Variants in CABCOCO1 observed in about 807,000 individuals in gnomAD.
CABCOCO1 encodes ciliary-associated calcium-binding coiled-coil protein 1.
In CABCOCO1, 28 loss-of-function variants were observed where a neutral mutation model predicts 35.7. The ratio of observed to expected loss-of-function variants is 0.78; its 90% CI spans 0.58 to 1.07. CABCOCO1 has a LOEUF of 1.07. Ranked by LOEUF, CABCOCO1 falls within the 50% of genes least tolerant of loss-of-function variation. The probability of loss-of-function intolerance (pLI) is 0.00; values close to 1 mark genes in which losing one functional copy is unlikely to be tolerated. For missense variants in CABCOCO1, 326 were observed against 309.2 expected (o/e 1.05, Z -0.41); for synonymous variants, 95 against 100.1 (o/e 0.95, Z 0.30).
intron 5 of CABCOCO1, among the ~76,000 whole-genome samples, chr10:61,754,191 C>T (rs1047794342): frequency 3.3e-5 from 5 of 152,032 alleles, no homozygotes; most frequent in Non-Finnish European, 5.9e-5. Context: ...CATTATCCTC[C>T]TTTTACAGAT....
chr10:61,691,668 A>G (rs1840147215), intron 5 of CABCOCO1, among the ~76,000 whole-genome samples: 1 of 150,094 alleles, frequency 6.7e-6, no homozygotes, highest in South Asian at 2.1e-4. Flanking sequence ...AACAGGCCCC[A>G]GTGTGTGATG....
At position 61,716,153 on chromosome 10, in the gene CABCOCO1, A is replaced by G. The variant is rs1181646855; in HGVS notation, c.552+25532A>G. Reference sequence around the variant, plus strand: ...GTTTTCCTATAATTTTTTAATATTCAATATATTTTTTTCTGTATTTCCTAT... The same window carrying G: ...GTTTTCCTATAATTTTTTAATATTCGATATATTTTTTTCTGTATTTCCTAT... On this transcript the variant is annotated intron_variant, in intron 5 of 7. Coordinates refer to ENST00000648843, the MANE Select transcript of CABCOCO1 (RefSeq NM_001366906.2). Among the ~76,000 whole-genome samples, 3 of 152,188 alleles carry G rather than the reference A, an allele frequency of 2.0e-5. No individual in the cohort carries two copies. The East Asian group carries it at 5.8e-4, about 29-fold the overall frequency.
intron 5 of CABCOCO1, among the ~76,000 whole-genome samples, chr10:61,736,041 T>C (rs1401353591): frequency 6.6e-6 from 1 of 152,188 alleles, no homozygotes; most frequent in African/African-American, 2.4e-5. Context: ...TTAAGTTCCT[T>C]ATAGATGCTG....
chr10:61,667,037 A>T (rs1403045551), intron 1 of CABCOCO1, among the ~76,000 whole-genome samples: 1 of 140,998 alleles, frequency 7.1e-6, no homozygotes, highest in Non-Finnish European at 1.5e-5. Flanking sequence ...TAATTATATT[A>T]TATATAAATT....
At chr10:61,671,212 G>C (rs772189861) in intron 1 of CABCOCO1, among the ~76,000 whole-genome samples, 1 of 152,046 alleles carries the variant, frequency 6.6e-6, no homozygotes, top group Non-Finnish European at 1.5e-5. Flanking sequence ...TGTAGTCCCA[G>C]CTACTTGGGA....
chr10:61,684,474 C>T (rs1250543251), intron 3 of CABCOCO1, among the ~76,000 whole-genome samples: 2 of 152,134 alleles, frequency 1.3e-5, no homozygotes, highest in African/African-American at 4.8e-5. Flanking sequence ...AATACCTGGT[C>T]CAGCAATCAG....
At chr10:61,699,911 C>A (rs1176417728) in intron 5 of CABCOCO1, among the ~76,000 whole-genome samples, 5 of 151,946 alleles carry the variant, frequency 3.3e-5, no homozygotes, top group African/African-American at 1.2e-4. Context: ...ACCTAGTGTT[C>A]AATAATTGTT....
chr10:61,668,456 G>C (rs774353514), intron 1 of CABCOCO1, among the ~76,000 whole-genome samples: 10 of 151,848 alleles, frequency 6.6e-5, no homozygotes, highest in African/African-American at 1.5e-4. Flanking sequence ...AACCATCTGG[G>C]CATGGTGACT....
intron 5 of CABCOCO1, among the ~76,000 whole-genome samples, chr10:61,743,494 T>G (rs1589151037): frequency 6.6e-6 from 1 of 152,166 alleles, no homozygotes; most frequent in African/African-American, 2.4e-5. Flanking sequence ...TCTAAGAAAA[T>G]TGACTCTACC....
At position 61,766,009 on chromosome 10, in the gene CABCOCO1, CCTAAGGACT is replaced by C; in HGVS notation, c.888_*5del. ...GCACGAATAGAAAAATTGAAAAAGG[CCTAAGGACT>C]TGGTACAAGGAGAGTGATGCTAAAC... On this transcript the variant is annotated stop_lost and 3_prime_UTR_variant, in exon 8 of 8. Coordinates refer to ENST00000648843, the MANE Select transcript of CABCOCO1 (RefSeq NM_001366906.2). The C allele has an allele frequency of 6.2e-7, 1 of 1,611,696 alleles. No homozygotes were observed. The highest frequency in any genetic ancestry group is 8.5e-7 in the Non-Finnish European group (1 of 1,178,194).
chr10:61,729,240 G>T (rs1175474302), intron 5 of CABCOCO1, among the ~76,000 whole-genome samples: 5 of 152,122 alleles, frequency 3.3e-5, no homozygotes, highest in African/African-American at 9.7e-5. Flanking sequence ...TATAATCTAT[G>T]ATTGTACATG....
chr10:61,731,155 G>C (rs544670869), intron 5 of CABCOCO1, among the ~76,000 whole-genome samples: 1 of 151,104 alleles, frequency 6.6e-6, no homozygotes, highest in East Asian at 1.9e-4. Context: ...CTTAAGAAAT[G>C]CACATTGAAG....
At chr10:61,703,042 G>A (rs918288210) in intron 5 of CABCOCO1, among the ~76,000 whole-genome samples, 1 of 151,852 alleles carries the variant, frequency 6.6e-6, no homozygotes, top group Non-Finnish European at 1.5e-5. Flanking sequence ...CTATTTGCCT[G>A]AACCACTAAT....
At chr10:61,683,164 T>C (rs1027115807) in intron 3 of CABCOCO1, among the ~76,000 whole-genome samples, 5 of 152,170 alleles carry the variant, frequency 3.3e-5, no homozygotes, top group Non-Finnish European at 5.9e-5. Flanking sequence ...GTGCTAGGAT[T>C]ACAGGCATTA....
intron 4 of CABCOCO1, among the ~76,000 whole-genome samples, chr10:61,688,516 T>C (rs999056362): frequency 1.3e-5 from 2 of 152,202 alleles, no homozygotes; most frequent in Admixed American, 1.3e-4. Context: ...GTGTATTGTA[T>C]CATGTATACA....
chr10:61,694,436 A>G (rs1237263313), intron 5 of CABCOCO1, among the ~76,000 whole-genome samples: 1 of 151,636 alleles, frequency 6.6e-6, no homozygotes, highest in Non-Finnish European at 1.5e-5. Flanking sequence ...GTAAATTGGC[A>G]TGTACAATTA....
chr10:61,684,567 T>C (rs1197742075), intron 3 of CABCOCO1, among the ~76,000 whole-genome samples: 1 of 152,142 alleles, frequency 6.6e-6, no homozygotes. Context: ...GACTGATGGT[T>C]TCAGAGAGAG....
chr10:61,716,256 A>T (rs1379691799), intron 5 of CABCOCO1, among the ~76,000 whole-genome samples: 1 of 152,206 alleles, frequency 6.6e-6, no homozygotes, highest in African/African-American at 2.4e-5. Context: ...CACACAAAGT[A>T]AATTTTAGGA....
At chr10:61,704,506 T>C (rs1034723929) in intron 5 of CABCOCO1, among the ~76,000 whole-genome samples, 3 of 152,182 alleles carry the variant, frequency 2.0e-5, no homozygotes, top group Non-Finnish European at 2.9e-5. Flanking sequence ...CACCTACAGA[T>C]GCCTGAGTGA....
Sources: allele counts gnomAD v4.1 joint callset (sites outside exome capture counted in the v4.1 genomes callset), GRCh38; gene constraint gnomAD v4.1.1; transcripts MANE v1.5; gene names NCBI Gene and HGNC (gene_info 2026-07-23, HGNC 2026-07-21).